The following WDR7 variants were observed in gnomAD, a reference collection of about 807,000 sequenced individuals.
WDR7 encodes the protein WD repeat domain 7, also known as WD repeat-containing protein 7.
A neutral mutation model predicts 169.4 loss-of-function variants in WDR7; 46 were observed. The ratio of observed to expected loss-of-function variants is 0.27; its 90% CI spans 0.21 to 0.35. The LOEUF (loss-of-function observed/expected upper bound fraction) is 0.35, where lower values mean the gene tolerates loss of function less well. WDR7 is among the 10% of genes least tolerant of loss of function. The pLI, the probability that WDR7 is intolerant of heterozygous loss-of-function variation, is 1.00. For synonymous variants in WDR7, 612 were observed against 666.8 expected (o/e 0.92, Z 1.27); for missense variants, 1,534 against 1,859.3 (o/e 0.83, Z 3.22).
At chr18:56,920,238 T>C (rs1377104051) in intron 21 of WDR7, among the ~76,000 whole-genome samples, 2 of 152,186 alleles carry the variant, frequency 1.3e-5, no homozygotes, top group Non-Finnish European at 2.9e-5. Flanking sequence ...TTCCTACTTA[T>C]TTTTAAGGTT....
intron 20 of WDR7, among the ~76,000 whole-genome samples, chr18:56,877,915 G>GA (rs1250760317): frequency 6.6e-6 from 1 of 152,034 alleles, no homozygotes; most frequent in Non-Finnish European, 1.5e-5. Context: ...GAAACCTTTG[G>GA]AAAAACATCA....
At chr18:56,693,801 G>A (rs1364755540) in intron 9 of WDR7, among the ~76,000 whole-genome samples, 2 of 151,796 alleles carry the variant, frequency 1.3e-5, no homozygotes, top group African/African-American at 4.8e-5. Context: ...TGAACTTTTG[G>A]CCTCAAGTGA....
At chr18:56,924,523 T>A (rs756449220) in intron 22 of WDR7, among the ~76,000 whole-genome samples, 1 of 152,156 alleles carries the variant, frequency 6.6e-6, no homozygotes, top group Non-Finnish European at 1.5e-5. Flanking sequence ...TCAACTACGT[T>A]GAGGTTTCAC....
At chr18:56,792,685 G>C (rs1298409380) in intron 19 of WDR7, among the ~76,000 whole-genome samples, 1 of 142,890 alleles carries the variant, frequency 7.0e-6, no homozygotes, top group Non-Finnish European at 1.5e-5. Context: ...TTGTCTTTTG[G>C]GGTTCTATCT....
At chr18:56,794,188 C>T (rs1253866934) in intron 19 of WDR7, among the ~76,000 whole-genome samples, 1 of 151,674 alleles carries the variant, frequency 6.6e-6, no homozygotes, top group East Asian at 2.0e-4. Context: ...TTACTGACTC[C>T]TGGGTAATCT....
chr18:56,918,801 T>C, intron 21 of WDR7, among the ~76,000 whole-genome samples: 1 of 152,232 alleles, frequency 6.6e-6, no homozygotes, highest in Non-Finnish European at 1.5e-5. Context: ...ACATATGGTA[T>C]AAAGTAATTT....
chr18:56,818,839 A>G (rs1340418635), intron 20 of WDR7, among the ~76,000 whole-genome samples: 1 of 152,176 alleles, frequency 6.6e-6, no homozygotes, highest in Non-Finnish European at 1.5e-5. Context: ...TAGTGCAGCC[A>G]TTCAGGTGAT....
chr18:56,910,380 T>C (rs1191726621), intron 21 of WDR7, among the ~76,000 whole-genome samples: 5 of 152,192 alleles, frequency 3.3e-5, no homozygotes, highest in African/African-American at 1.2e-4. Context: ...TTTGGGGAAG[T>C]TGATATGAAG....
In WDR7 at chr18:56,938,599, G is replaced by A; in HGVS notation, c.3898G>A (p.Ala1300Thr). The change falls in exon 24 of 28, where the codon GCA becomes ACA. Residue 1300 changes from alanine to threonine, a missense_variant. By Grantham distance (58) the Ala-to-Thr change is moderately conservative. Transcript: ENST00000254442. ...SQQNMHTTTL[A>T]RAKGEILRVI... ...GCAGAATATGCACACAACAACTCTT[G>A]CACGAGCTAAAGGGGAAATTTTGAG... The A allele has an allele frequency of 6.2e-7, 1 of 1,613,676 alleles. No homozygotes were observed. Among genetic ancestry groups the A allele is most frequent in the Non-Finnish European group, 8.5e-7 (1 of 1,179,872 alleles).
intron 21 of WDR7, among the ~76,000 whole-genome samples, chr18:56,881,815 A>T (rs935366235): frequency 4.6e-5 from 7 of 152,002 alleles, no homozygotes; most frequent in African/African-American, 1.4e-4. Flanking sequence ...CAAACTCCTG[A>T]CCAGAAAGGA....
intron 14 of WDR7, among the ~76,000 whole-genome samples, chr18:56,739,247 C>T (rs1472263771): frequency 2.0e-5 from 3 of 151,674 alleles, no homozygotes; most frequent in Non-Finnish European, 4.4e-5. Flanking sequence ...TTTTACTTTC[C>T]CCTTCTTATA....
intron 20 of WDR7, among the ~76,000 whole-genome samples, chr18:56,870,352 A>G (rs1044671094): frequency 1.3e-5 from 2 of 152,170 alleles, no homozygotes; most frequent in African/African-American, 4.8e-5. Flanking sequence ...TGAGCCATAC[A>G]TATATGGAAA....
At chr18:56,866,397 T>C (rs1427038386) in intron 20 of WDR7, among the ~76,000 whole-genome samples, 1 of 152,086 alleles carries the variant, frequency 6.6e-6, no homozygotes, top group Non-Finnish European at 1.5e-5. Flanking sequence ...ATTATGTCAT[T>C]ATAACAAATA....
chr18:56,758,435 C>G (rs1265157354), intron 15 of WDR7, among the ~76,000 whole-genome samples: 1 of 152,196 alleles, frequency 6.6e-6, no homozygotes, highest in Non-Finnish European at 1.5e-5. Flanking sequence ...GAATTCACAA[C>G]TGAGACAGTC....
chr18:56,923,068 A>G (rs890232519), intron 21 of WDR7, among the ~76,000 whole-genome samples: 2 of 152,140 alleles, frequency 1.3e-5, no homozygotes, highest in African/African-American at 4.8e-5. Flanking sequence ...AGTATACTGT[A>G]CTGTTCTGTG....
intron 19 of WDR7, among the ~76,000 whole-genome samples, chr18:56,791,317 A>G (rs1421502427): frequency 6.6e-6 from 1 of 152,206 alleles, no homozygotes; most frequent in African/African-American, 2.4e-5. Context: ...GATTTAAAAC[A>G]TATAATTAAA....
At chr18:56,720,292 A>T (rs186255642) in intron 13 of WDR7, among the ~76,000 whole-genome samples, 19 of 152,112 alleles carry the variant, frequency 1.2e-4, no homozygotes, top group African/African-American at 4.1e-4. Flanking sequence ...ACAAAAAAAA[A>T]TACAAAAATT....
intron 21 of WDR7, among the ~76,000 whole-genome samples, chr18:56,917,228 G>A (rs1393696591): frequency 1.3e-5 from 2 of 151,978 alleles, no homozygotes; most frequent in African/African-American, 2.4e-5. Context: ...CTGTGTGTCT[G>A]TTGTGTATGT....
intron 3 of WDR7, among the ~76,000 whole-genome samples, chr18:56,681,010 G>A (rs1237837010): frequency 6.6e-6 from 1 of 152,108 alleles, no homozygotes; most frequent in Non-Finnish European, 1.5e-5. Flanking sequence ...GCTCTGGAAA[G>A]CCTTGCATTG....
Sources: gnomAD v4.1 joint callset for allele counts (sites outside exome capture counted in the v4.1 genomes callset) on GRCh38, gnomAD v4.1.1 for gene constraint, MANE v1.5 for transcripts, NCBI Gene and HGNC (gene_info 2026-07-23, HGNC 2026-07-21) for gene names.